The following ABCA13 variants were observed in gnomAD, a reference collection of about 807,000 sequenced individuals.
ABCA13 encodes ATP binding cassette subfamily A member 13.
Under a neutral mutation model 478.7 loss-of-function variants are expected in ABCA13, and 476 were observed. That is an observed-to-expected ratio of 0.99 (90% CI 0.92 to 1.07). ABCA13 has a LOEUF of 1.07. Ranked by LOEUF, ABCA13 falls within the 50% of genes least tolerant of loss-of-function variation. ABCA13 has a pLI of 0.00. For synonymous variants in ABCA13, 2,252 were observed against 2,158.9 expected, an observed-to-expected ratio of 1.04 and a Z score of -1.20; for missense variants, 6,060 against 5,910.6, an observed-to-expected ratio of 1.03 and a Z score of -0.83.
intron 35 of ABCA13, among the ~76,000 whole-genome samples, chr7:48,385,059 C>T (rs540670743): frequency 1.2e-3 from 187 of 152,246 alleles, no homozygotes; most frequent in African/African-American, 3.9e-3. Context: ...ATGAAACCTG[C>T]GGAGATACAA....
In ABCA13 at chr7:48,276,130, C is replaced by G. The variant is rs781005618; in HGVS notation, c.6464C>G (p.Thr2155Ser). 1 of 1,597,278 alleles carries G rather than the reference C, an allele frequency of 6.3e-7. No individual in the cohort carries two copies. The highest frequency in any genetic ancestry group is 1.3e-5 in the African/African-American group (1 of 74,306). Residue 2155 changes from threonine to serine, a missense_variant, in exon 17 of 62, where the codon ACT becomes AGT. By Grantham distance (58) the Thr-to-Ser change is moderately conservative (BLOSUM62 1). Around this residue, in one of 3 missense-constraint regions of ABCA13, gnomAD observed 4,423 missense variants for 4,309.1 expected, o/e 1.03. Transcript: ENST00000435803. ...LFIPVTNESS[T>S]EDIALLAKAI... The stretch of plus-strand genomic sequence containing the variant: ...ATTCCTGTGACCAATGAGAGTTCAA[C>G]TGAAGATATAGCTTTGTTAGCCAAA...
rs571080196 is a variant in ABCA13 at position 48,615,465 on chromosome 7, A to C, written c.14837+88A>C. On this transcript the variant is annotated intron_variant, in intron 59 of 61. Transcript: ENST00000435803. The stretch of plus-strand genomic sequence containing the variant: ...TATGACTGGAGATGCTTTAGAGGCA[A>C]GTATGTTCCAATTACCTGCTGGCAT... The C allele has an allele frequency of 1.9e-4, 221 of 1,171,650 alleles. 3 individuals carry two copies. The South Asian group carries it at 2.8e-3, about 15-fold the overall frequency. 72.6% of individuals were successfully genotyped at this position (1,171,650 alleles called of 1,614,324 possible).
chr7:48,578,607 T>A (rs184460261), intron 55 of ABCA13, among the ~76,000 whole-genome samples: 1 of 152,238 alleles, frequency 6.6e-6, no homozygotes, highest in Non-Finnish European at 1.5e-5. Flanking sequence ...AAACTTAACA[T>A]CAACAAGATA....
chr7:48,527,795 A>C (rs1832979955), intron 54 of ABCA13, among the ~76,000 whole-genome samples: 1 of 152,176 alleles, frequency 6.6e-6, no homozygotes, highest in African/African-American at 2.4e-5. Flanking sequence ...ACACAGACAA[A>C]CACATATGTA....
At chr7:48,269,744 C>T (rs1474991085) in intron 16 of ABCA13, among the ~76,000 whole-genome samples, 1 of 152,210 alleles carries the variant, frequency 6.6e-6, no homozygotes, top group East Asian at 1.9e-4. Flanking sequence ...CATATGAAAT[C>T]TTGCTCTGTG....
At chr7:48,368,032 T>C in intron 32 of ABCA13, 124 bp downstream of exon 32, 2 of 650,564 alleles carry the variant, frequency 3.1e-6, no homozygotes, top group South Asian at 4.7e-5. Flanking sequence ...GCTGGGGTTC[T>C]GGTGTACAAA....
At chr7:48,428,274 C>T (rs946671265) in intron 42 of ABCA13, among the ~76,000 whole-genome samples, 7 of 152,166 alleles carry the variant, frequency 4.6e-5, no homozygotes, top group Non-Finnish European at 2.9e-5. Context: ...AACAAAGCCC[C>T]GGATGTGGGC....
At chr7:48,479,471 C>T (rs1444820354) in intron 45 of ABCA13, among the ~76,000 whole-genome samples, 1 of 152,166 alleles carries the variant, frequency 6.6e-6, no homozygotes, top group African/African-American at 2.4e-5. Flanking sequence ...CTCCTGACCT[C>T]AAGCGATCCA....
rs78703850 is a variant in ABCA13 at position 48,410,876 on chromosome 7, A to G, written c.12228+199A>G. Among the ~76,000 whole-genome samples the G allele has an allele frequency of 4.2e-3, 638 of 152,342 alleles. 7 individuals carry two copies. The highest frequency in any genetic ancestry group is 0.014 in the African/African-American group (591 of 41,586). On this transcript the variant is annotated intron_variant, in intron 40 of 61. Coordinates refer to ENST00000435803, the MANE Select transcript of ABCA13 (RefSeq NM_152701.5). ...CCAAGCATGCATTTTGACCGCCAGG[A>G]GAAAATACATGAGGAGTCAGAATTA...
At chr7:48,223,638 AG>A (rs1480890584) in intron 5 of ABCA13, among the ~76,000 whole-genome samples, 1 of 152,006 alleles carries the variant, frequency 6.6e-6, no homozygotes, top group Non-Finnish European at 1.5e-5. Context: ...TGAGGGTAAA[AG>A]CCTGACTGGA....
At chr7:48,403,218 C>T (rs1447097964) in intron 38 of ABCA13, among the ~76,000 whole-genome samples, 47 of 152,202 alleles carry the variant, frequency 3.1e-4, no homozygotes, top group Admixed American at 2.8e-3. Context: ...TCAGGAAGGT[C>T]GGGTGATCCA....
chr7:48,580,417 G>C (rs1212780868), intron 56 of ABCA13, 43 bp downstream of exon 56: 2 of 1,582,954 alleles, frequency 1.3e-6, no homozygotes, highest in East Asian at 2.3e-5. Flanking sequence ...ACCCATTGAG[G>C]AATGCTTGGT....
chr7:48,297,833 G>C (rs1229073321), intron 22 of ABCA13, among the ~76,000 whole-genome samples: 1 of 149,706 alleles, frequency 6.7e-6, no homozygotes, highest in Non-Finnish European at 1.5e-5. Flanking sequence ...GGAGTACAGT[G>C]GCGTGATCTC....
chr7:48,374,555 C>T (rs1478192967), intron 34 of ABCA13, 139 bp downstream of exon 34: 1 of 720,850 alleles, frequency 1.4e-6, no homozygotes, highest in South Asian at 2.0e-5. Context: ...TTTGCTTTCA[C>T]TGTTGTATAC....
intron 44 of ABCA13, among the ~76,000 whole-genome samples, chr7:48,469,027 G>T (rs898012156): frequency 6.6e-6 from 1 of 152,166 alleles, no homozygotes; most frequent in African/African-American, 2.4e-5. Flanking sequence ...TATATCTGGT[G>T]GCACTTCAGT....
Position 48,271,460 on chromosome 7 carries a change from A to G in ABCA13, c.2121-327A>G, listed in dbSNP as rs1425844988. Among the ~76,000 whole-genome samples the G allele has an allele frequency of 2.6e-5, 4 of 152,210 alleles. No homozygotes were observed. In the East Asian group the frequency reaches 7.7e-4, roughly 29 times the overall value. ...TACATGCCAAGACATTTTGAAATGG[A>G]ATTAAATCCTAAGATTCTTCTGGCA... On this transcript the variant is annotated intron_variant, in intron 16 of 61. Coordinates refer to ENST00000435803, the MANE Select transcript of ABCA13 (RefSeq NM_152701.5).
intron 58 of ABCA13, among the ~76,000 whole-genome samples, chr7:48,614,880 T>C (rs1319860495): frequency 7.7e-5 from 8 of 104,382 alleles, no homozygotes; most frequent in Non-Finnish European, 1.5e-4. Flanking sequence ...TTCTGGGGAC[T>C]GTTGTGGGGT....
chr7:48,274,131 T>C lies in ABCA13; in HGVS notation c.4465T>C (p.Leu1489=), dbSNP rs761018961. The C allele has an allele frequency of 6.2e-7, 1 of 1,607,294 alleles. No individual in the cohort carries two copies. Among genetic ancestry groups the C allele is most frequent in the Admixed American group, 1.7e-5 (1 of 59,102 alleles). The change falls in exon 17 of 62, where the codon TTA becomes CTA. Residue 1489 remains leucine (L), a synonymous_variant. Coordinates refer to ENST00000435803, the MANE Select transcript of ABCA13 (RefSeq NM_152701.5). ...AGAGAAGAAACCTAAATTTGAGATTTTATTAGCTCTTTTAAATGATTCCAC... is the reference window on the plus strand; with the variant it reads ...AGAGAAGAAACCTAAATTTGAGATTCTATTAGCTCTTTTAAATGATTCCAC... ...EKEKKPKFEI[L]LALLNDSTKQ...
intron 45 of ABCA13, among the ~76,000 whole-genome samples, chr7:48,480,300 C>T (rs1383723493): frequency 6.6e-6 from 1 of 152,224 alleles, no homozygotes; most frequent in African/African-American, 2.4e-5. Flanking sequence ...CAGCTAAAAG[C>T]TTCCTCCCTG....
Sources: gnomAD v4.1 joint callset for allele counts (sites outside exome capture counted in the v4.1 genomes callset) on GRCh38, gnomAD v4.1.1 for gene constraint, gnomAD v4.1.1 regional missense constraint, MANE v1.5 for transcripts, NCBI Gene and HGNC (gene_info 2026-07-23, HGNC 2026-07-21) for gene names.